SLC2A5: variants seen among roughly 807,000 people sequenced by gnomAD.
SLC2A5 encodes the protein solute carrier family 2, facilitated glucose transporter member 5.
Under a neutral mutation model 50.3 loss-of-function variants are expected in SLC2A5, and 56 were observed. The observed-to-expected ratio is 1.11, with a 90% CI of 0.90 to 1.39. The LOEUF (loss-of-function observed/expected upper bound fraction) is 1.39, where lower values mean the gene tolerates loss of function less well. Ranked by LOEUF, SLC2A5 falls within the 40% of genes most tolerant of loss-of-function variation. The pLI, the probability that SLC2A5 is intolerant of heterozygous loss-of-function variation, is 0.00. For missense variants in SLC2A5, 566 were observed against 650.1 expected (o/e 0.87, Z 1.41); for synonymous variants, 269 against 281.9 (o/e 0.95, Z 0.46).
upstream of SLC2A5, among the ~76,000 whole-genome samples, chr1:9,074,602 ACT>A (rs992331185): frequency 3.9e-5 from 6 of 152,118 alleles, no homozygotes; most frequent in African/African-American, 1.4e-4. Flanking sequence ...TCCTTGCATG[ACT>A]CAGCTTTCAG....
intron 1 of SLC2A5, among the ~76,000 whole-genome samples, chr1:9,068,742 G>A (rs1038306908): frequency 1.3e-5 from 2 of 152,188 alleles, no homozygotes; most frequent in African/African-American, 4.8e-5. Flanking sequence ...GTGCTACAGA[G>A]CATGTTTCCA....
At position 9,081,265 on chromosome 1, in the gene SLC2A5, AAAAAAAAAAAAAAACCCC is replaced by A. The variant is rs1402002351; in HGVS notation, c.-59+3731_-59+3748del. ...ACAGCATGAGACCTTGTTTCAGAAA[AAAAAAAAAAAAAAACCCC>A]AAAAAAAAAAAACACGACCAAAACA... On this transcript the variant is annotated intron_variant, in intron 2 of 5. Coordinates refer to the SLC2A5 transcript ENST00000464985. 1.4e-3 allele frequency among the ~76,000 whole-genome samples: 203 copies of A among 144,408 alleles called. 3 individuals are homozygous for A. Among genetic ancestry groups the A allele is most frequent in the African/African-American group, 5.1e-3 (193 of 37,496 alleles). 94.7% of individuals were successfully genotyped at this position (144,408 alleles called of 152,430 possible). A position where few individuals can be genotyped will look rare whatever the true frequency, so the allele number is the denominator to read the frequency against.
At chr1:9,066,784 C>G (rs1188106635) in intron 1 of SLC2A5, among the ~76,000 whole-genome samples, 1 of 151,662 alleles carries the variant, frequency 6.6e-6, no homozygotes, top group East Asian at 2.0e-4. Context: ...AGCCCAAGAC[C>G]AGCCTGGGTA....
chr1:9,049,873 A>G (rs1213760070), intron 3 of SLC2A5, among the ~76,000 whole-genome samples: 3 of 152,138 alleles, frequency 2.0e-5, no homozygotes, highest in East Asian at 3.9e-4. Flanking sequence ...TGCCGTGCTC[A>G]TGCCCGTAAT....
At chr1:9,041,694 C>T (rs1334709343) in intron 5 of SLC2A5, 91 bp downstream of exon 5, 2 of 1,608,228 alleles carry the variant, frequency 1.2e-6, no homozygotes, top group East Asian at 2.2e-5. Context: ...TGCAGAAAGT[C>T]CTGTCCTGTG....
At chr1:9,038,527 G>A in intron 9 of SLC2A5, 21 bp from the exon 10 acceptor site, 1 of 1,601,552 alleles carries the variant, frequency 6.2e-7, no homozygotes, top group Non-Finnish European at 8.6e-7. Flanking sequence ...AAAGCAGTTG[G>A]TTCACCTGGA....
chr1:9,060,578 C>T (rs1006735834), intron 1 of SLC2A5, among the ~76,000 whole-genome samples: 5 of 127,232 alleles, frequency 3.9e-5, no homozygotes, highest in Middle Eastern at 4.1e-3. Flanking sequence ...ACATACACAC[C>T]CACCCCCCAC....
chr1:9,070,104 C>T (rs1259280251), upstream of SLC2A5, among the ~76,000 whole-genome samples: 16 of 85,058 alleles, frequency 1.9e-4, no homozygotes, highest in Admixed American at 5.3e-4. Context: ...TTTTTTGAGA[C>T]GGAGTTTCGC....
At chr1:9,042,940 T>G (rs1207105576) in intron 4 of SLC2A5, among the ~76,000 whole-genome samples, 2 of 152,210 alleles carry the variant, frequency 1.3e-5, no homozygotes, top group African/African-American at 2.4e-5. Context: ...CTTGTAAATA[T>G]TCCCATCATA....
upstream of SLC2A5, among the ~76,000 whole-genome samples, chr1:9,074,282 G>C (rs904206985): frequency 2.6e-5 from 4 of 152,082 alleles, no homozygotes; most frequent in Non-Finnish European, 5.9e-5. Context: ...ATTTTGCCAA[G>C]GTTAAGGACA....
rs200768991 is a variant in SLC2A5, at chr1:9,038,923, C to G, written c.1003G>C (p.Val335Leu). The G allele has an allele frequency of 6.2e-7, 1 of 1,612,380 alleles. No homozygotes were observed. Residue 335 changes from valine to leucine, a missense_variant, in exon 9 of 12, where the codon GTG (valine) becomes CTG (leucine). Physicochemically the swap from Val to Leu is conservative, Grantham distance 32 (BLOSUM62 1). Coordinates refer to ENST00000377424, the MANE Select transcript of SLC2A5 (RefSeq NM_003039.3). ...NVVMTFCAVF[V>L]VELLGRRLLL... Reference sequence around the variant, plus strand: ...AGCCTCCGACCCAGGAGCTCCACCACGAACACCTACAGGAGGGTGGCAGGG... The same window carrying G: ...AGCCTCCGACCCAGGAGCTCCACCAGGAACACCTACAGGAGGGTGGCAGGG...
chr1:9,049,499 G>A (rs1159746721), intron 3 of SLC2A5, among the ~76,000 whole-genome samples: 1 of 151,570 alleles, frequency 6.6e-6, no homozygotes, highest in Non-Finnish European at 1.5e-5. Context: ...CAAGGCGGGC[G>A]GCATCACATG....
upstream of SLC2A5, among the ~76,000 whole-genome samples, chr1:9,071,377 T>G (rs1042462883): frequency 1.2e-4 from 19 of 152,140 alleles, no homozygotes; most frequent in Non-Finnish European, 2.4e-4. Context: ...ACCACTGCAC[T>G]CCAGCCTGGG....
At chr1:9,074,219 G>A (rs1642256956), upstream of SLC2A5, among the ~76,000 whole-genome samples, 1 of 152,192 alleles carries the variant, frequency 6.6e-6, no homozygotes, top group African/African-American at 2.4e-5. Flanking sequence ...GCAAGGCTTA[G>A]CAACTGTAAA....
At position 9,040,920 on chromosome 1, in the gene SLC2A5, G is replaced by T. The variant is rs1028208057; in HGVS notation, c.572-731C>A. Reference sequence around the variant, plus strand: ...ACAGGGACCTAGGTCTGTGCCGCTGGGTCTGCATCCTCATGAGACCTTGGA... The same window carrying T: ...ACAGGGACCTAGGTCTGTGCCGCTGTGTCTGCATCCTCATGAGACCTTGGA... On this transcript the variant is annotated intron_variant, in intron 5 of 11. Coordinates refer to ENST00000377424, the MANE Select transcript of SLC2A5 (RefSeq NM_003039.3). This position sits in a 1 kb window ranked among gnomAD's most constrained non-coding sequence, Gnocchi z 4.3. 1 of 154,008 alleles carries T rather than the reference G, an allele frequency of 6.5e-6. No individual in the cohort carries two copies. Among genetic ancestry groups the T allele is most frequent in the African/African-American group, 2.4e-5 (1 of 41,484 alleles). 9.5% of individuals were successfully genotyped at this position (154,008 alleles called of 1,614,324 possible).
intron 2 of SLC2A5, among the ~76,000 whole-genome samples, chr1:9,081,484 A>AG (rs1642352530): frequency 6.6e-6 from 1 of 150,592 alleles, no homozygotes; most frequent in African/African-American, 2.4e-5. Flanking sequence ...AAAAAAAAAA[A>AG]AAAAAGTAAA....
intron 2 of SLC2A5, among the ~76,000 whole-genome samples, chr1:9,081,468 TAA>T (rs34557003): frequency 8.8e-5 from 9 of 102,466 alleles, no homozygotes; most frequent in East Asian, 2.9e-4. Flanking sequence ...CTCCTTCTCT[TAA>T]AAAAAAAAAA....
intron 4 of SLC2A5, among the ~76,000 whole-genome samples, 194 bp from the exon 5 acceptor site, chr1:9,042,131 T>C (rs977761208): frequency 6.6e-6 from 1 of 152,210 alleles, no homozygotes; most frequent in African/African-American, 2.4e-5. Flanking sequence ...TCAAAGGAGC[T>C]CATGCACAGG....
intron 2 of SLC2A5, chr1:9,082,699 G>A: frequency 7.4e-6 from 2 of 271,602 alleles, no homozygotes; most frequent in South Asian, 3.7e-5. Context: ...CAGATTGATG[G>A]TCTGGGGAAA....
Sources: gnomAD v4.1 joint callset for allele counts (sites outside exome capture counted in the v4.1 genomes callset) on GRCh38, gnomAD v4.1.1 for gene constraint, Gnocchi (gnomAD v3.1) non-coding constraint, MANE v1.5 for transcripts, NCBI Gene and HGNC (gene_info 2026-07-23, HGNC 2026-07-21) for gene names.